Variants in MTFR2 observed in about 807,000 individuals in gnomAD.
MTFR2 encodes DUF729 domain-containing protein 1.
MTFR2 carries 44 observed loss-of-function variants against 41.2 expected under a neutral mutation model. The ratio of observed to expected loss-of-function variants is 1.07; its 90% CI spans 0.84 to 1.37. MTFR2 has a LOEUF of 1.37. Ranked by LOEUF, MTFR2 falls within the 40% of genes most tolerant of loss-of-function variation. The pLI is 0.00. For synonymous variants in MTFR2, 141 were observed against 154.6 expected, an observed-to-expected ratio of 0.91 and a Z score of 0.65; for missense variants, 452 against 459.5, an observed-to-expected ratio of 0.98 and a Z score of 0.15.
Position 136,248,012 on chromosome 6 carries a change from C to A in MTFR2, c.63+1025G>T, listed in dbSNP as rs139605514. On this transcript the variant is annotated intron_variant, in intron 2 of 7. Transcript: ENST00000420702. Reference sequence around the variant, plus strand: ...CTCATCTCCATATTCAAACTAGTTTCTCATACTAAGATGCCCATTTATAAT... The same window carrying A: ...CTCATCTCCATATTCAAACTAGTTTATCATACTAAGATGCCCATTTATAAT... 4.1e-3 allele frequency among the ~76,000 whole-genome samples: 627 copies of A among 152,276 alleles called. 13 individuals are homozygous for A. Among genetic ancestry groups the A allele is most frequent in the Admixed American group, 0.032 (489 of 15,294 alleles).
At chr6:136,239,855 C>T in intron 5 of MTFR2, 35 bp from the exon 6 acceptor site, 3 of 1,519,574 alleles carry the variant, frequency 2.0e-6, no homozygotes, top group African/African-American at 2.8e-5. Context: ...AAATCATGCA[C>T]AATTATCTCT....
At chr6:136,245,582 C>T (rs1780193103) in intron 2 of MTFR2, among the ~76,000 whole-genome samples, 1 of 152,136 alleles carries the variant, frequency 6.6e-6, no homozygotes, top group African/African-American at 2.4e-5. Flanking sequence ...TATAGGTAGC[C>T]ACCTATTAGC....
intron 1 of MTFR2, 144 bp from the exon 2 acceptor site, chr6:136,249,297 G>A: frequency 2.0e-6 from 1 of 512,246 alleles, no homozygotes; most frequent in Non-Finnish European, 3.4e-6. Context: ...AAAAAGAAAG[G>A]AAGGGGAAGT....
At chr6:136,246,936 C>G (rs1034743998) in intron 2 of MTFR2, among the ~76,000 whole-genome samples, 7 of 152,214 alleles carry the variant, frequency 4.6e-5, no homozygotes, top group African/African-American at 9.6e-5. Flanking sequence ...CTCTGAAATC[C>G]CTTCTCAAAT....
At chr6:136,235,808 T>C (rs2128457205) in intron 6 of MTFR2, among the ~76,000 whole-genome samples, 1 of 152,284 alleles carries the variant, frequency 6.6e-6, no homozygotes, top group East Asian at 1.9e-4. Flanking sequence ...GGCACATGCC[T>C]GTAGTCCCAG....
Position 136,241,497 on chromosome 6 carries a change from G to A in MTFR2, c.461C>T (p.Ser154Phe), listed in dbSNP as rs1443004732. The change falls in exon 5 of 8, where the codon TCT (serine) becomes TTT (phenylalanine). Residue 154 changes from serine to phenylalanine, a missense_variant. Ser to Phe is a radical substitution (Grantham distance 155, BLOSUM62 -2). Coordinates refer to ENST00000420702, the MANE Select transcript of MTFR2 (RefSeq NM_001099286.3). ...CATTTCCACAATTGCTGCAATCTGAGAGCGAAGAAAAGTCAGCTCATTTTC... is the reference window on the plus strand; with the variant it reads ...CATTTCCACAATTGCTGCAATCTGAAAGCGAAGAAAAGTCAGCTCATTTTC... ...ALENELTFLR[S>F]QIAAIVEMQE... The A allele has an allele frequency of 2.5e-6, 4 of 1,614,054 alleles. No homozygotes were observed. The highest frequency in any genetic ancestry group is 3.3e-5 in the Admixed American group (2 of 60,014).
At chr6:136,240,951 C>A (rs551080600) in intron 5 of MTFR2, among the ~76,000 whole-genome samples, 1 of 151,998 alleles carries the variant, frequency 6.6e-6, no homozygotes, top group Non-Finnish European at 1.5e-5. Context: ...ATTAGCCGAG[C>A]GTGGTGGCGG....
At chr6:136,246,711 T>C (rs1295235945) in intron 2 of MTFR2, among the ~76,000 whole-genome samples, 1 of 152,182 alleles carries the variant, frequency 6.6e-6, no homozygotes, top group Non-Finnish European at 1.5e-5. Context: ...TCAATGCCAC[T>C]CAAAAATGGT....
At chr6:136,235,827 G>A (rs2128457210) in intron 6 of MTFR2, among the ~76,000 whole-genome samples, 1 of 152,278 alleles carries the variant, frequency 6.6e-6, no homozygotes, top group East Asian at 1.9e-4. Context: ...AGCTACTCGG[G>A]AGGCCGAGGC....
In MTFR2 at chr6:136,239,700, G is replaced by A. The variant is rs563108520; in HGVS notation, c.635C>T (p.Pro212Leu). Residue 212 changes from proline to leucine, a missense_variant, in exon 6 of 8, where the codon CCA becomes CTA. Physicochemically the swap from Pro to Leu is moderately conservative, Grantham distance 98. Coordinates refer to ENST00000420702, the MANE Select transcript of MTFR2 (RefSeq NM_001099286.3). Reference sequence around the variant, plus strand: ...AGATGAAAACTGAGGAGGAAGTGGTGGAGGAGGAGGAGGAGAAAGCACTGA... The same window carrying A: ...AGATGAAAACTGAGGAGGAAGTGGTAGAGGAGGAGGAGGAGAAAGCACTGA... ...PGSVLSPPPP[P>L]PLPPQFSSLQ... is the part of the protein sequence containing the mutation. The A allele has an allele frequency of 5.0e-5, 81 of 1,612,662 alleles. No individual in the cohort carries two copies. The East Asian group carries it at 1.5e-3, about 29-fold the overall frequency.
chr6:136,248,206 T>G (rs910363708), intron 2 of MTFR2, among the ~76,000 whole-genome samples: 10 of 152,216 alleles, frequency 6.6e-5, no homozygotes, highest in Non-Finnish European at 8.8e-5. Context: ...AACCATGTAT[T>G]ACTCCTCTGT....
intron 7 of MTFR2, chr6:136,233,032 T>C: frequency 4.3e-6 from 1 of 232,764 alleles, no homozygotes. Flanking sequence ...GACACCCAGT[T>C]CATACTGCAG....
intron 7 of MTFR2, 35 bp from the exon 8 acceptor site, chr6:136,231,423 T>C: frequency 3.7e-6 from 5 of 1,344,710 alleles, no homozygotes; most frequent in Non-Finnish European, 5.2e-6. Flanking sequence ...CAGAAATTAT[T>C]CTAATGTCAA....
At position 136,233,307 on chromosome 6, in the gene MTFR2, TA is replaced by T; in HGVS notation, c.1044+17del. 1 of 1,601,678 alleles carries T rather than the reference TA, an allele frequency of 6.2e-7. No homozygotes were observed. Among genetic ancestry groups the T allele is most frequent in the Non-Finnish European group, 8.5e-7 (1 of 1,170,950 alleles). On this transcript the variant is annotated intron_variant, in intron 7 of 7. Coordinates refer to ENST00000420702, the MANE Select transcript of MTFR2 (RefSeq NM_001099286.3). ...CTGAGAAAAACTGAAAAATTAATTT[TA>T]CATTAGTGTAGCTTACCCTTGAAGT...
At chr6:136,236,253 G>A (rs1482851072) in intron 6 of MTFR2, among the ~76,000 whole-genome samples, 6 of 152,212 alleles carry the variant, frequency 3.9e-5, no homozygotes, top group Admixed American at 2.6e-4. Context: ...CAGTGATGCA[G>A]AAGGGCTCAT....
chr6:136,241,148 A>C (rs1395466070), intron 5 of MTFR2, among the ~76,000 whole-genome samples: 1 of 152,074 alleles, frequency 6.6e-6, no homozygotes, highest in Non-Finnish European at 1.5e-5. Context: ...ACAAAAATAC[A>C]ATCTTCTAGT....
rs781424348 is a variant in MTFR2 at position 136,244,889 on chromosome 6, T to G, written c.64-20A>C. 3.5e-5 allele frequency: 52 copies of G among 1,498,176 alleles called. No homozygotes were observed. The highest frequency in any genetic ancestry group is 4.8e-5 in the Non-Finnish European group (52 of 1,084,480). 92.8% of individuals were successfully genotyped at this position (1,498,176 alleles called of 1,614,324 possible). On this transcript the variant is annotated intron_variant, in intron 2 of 7. Coordinates refer to ENST00000420702, the MANE Select transcript of MTFR2 (RefSeq NM_001099286.3). ...CAAAACCTATTTTAAACATAAAGTATGAATTAAAATGCACTCTGATTAAGC... is the reference window on the plus strand; with the variant it reads ...CAAAACCTATTTTAAACATAAAGTAGGAATTAAAATGCACTCTGATTAAGC...
At chr6:136,244,982 T>C (rs914027716) in intron 2 of MTFR2, 113 bp from the exon 3 acceptor site, 9 of 666,190 alleles carry the variant, frequency 1.4e-5, no homozygotes, top group Non-Finnish European at 2.3e-5. Flanking sequence ...ATTTTTTTTT[T>C]AATACAGGGA....
intron 5 of MTFR2, among the ~76,000 whole-genome samples, chr6:136,240,859 A>G (rs1057410307): frequency 1.3e-5 from 2 of 152,206 alleles, no homozygotes; most frequent in Non-Finnish European, 2.9e-5. Context: ...TGGGAGGCCA[A>G]GGCGGGCAGA....
Sources: gnomAD v4.1 joint callset for allele counts (sites outside exome capture counted in the v4.1 genomes callset) on GRCh38, gnomAD v4.1.1 for gene constraint, MANE v1.5 for transcripts, NCBI Gene and HGNC (gene_info 2026-07-23, HGNC 2026-07-21) for gene names.